TNR: variants seen among roughly 807,000 people sequenced by gnomAD.
TNR encodes the protein tenascin R.
In TNR, 45 loss-of-function variants were observed where a neutral mutation model predicts 150.4. The observed-to-expected ratio is 0.30, with a 90% CI of 0.24 to 0.38. The LOEUF is 0.38. Among genes scored for constraint, TNR ranks in the 10% least tolerant of loss-of-function variants. The pLI, the probability that TNR is intolerant of heterozygous loss-of-function variation, is 1.00. For missense variants in TNR, 1,544 were observed against 1,759.1 expected (o/e 0.88, Z 2.19); for synonymous variants, 687 against 678.4 (o/e 1.01, Z -0.20).
chr1:175,350,323 CTCACTGTCTCTTA>C (rs1650996787), intron 18 of TNR, among the ~76,000 whole-genome samples: 1 of 152,216 alleles, frequency 6.6e-6, no homozygotes, highest in Non-Finnish European at 1.5e-5. Context: ...TTTTATAGTG[CTCACTGTCTCTTA>C]GGACAAGCTT....
intron 2 of TNR, among the ~76,000 whole-genome samples, chr1:175,521,423 C>T (rs1659635417): frequency 6.6e-6 from 1 of 152,164 alleles, no homozygotes; most frequent in Non-Finnish European, 1.5e-5. Context: ...AAAGATGCCT[C>T]ACTTTGTGAT....
At chr1:175,696,402 G>C (rs147380163) in intron 1 of TNR, among the ~76,000 whole-genome samples, 3,972 of 151,832 alleles carry the variant, frequency 0.026, 169 homozygotes, top group African/African-American at 0.09. Context: ...AGAGAAAATG[G>C]GCAAGGCCAG....
rs567483968 is a variant in TNR, at chr1:175,702,059, TTTTTGTCTTC to T, written c.-165+41157_-165+41166del. ...ATTAAACAGTCTTGCCCCTTAATTA[TTTTTGTCTTC>T]TATAAAGGGCAAGTCAAATTACTTA... On this transcript the variant is annotated intron_variant, in intron 1 of 22. Coordinates refer to ENST00000367674, the MANE Select transcript of TNR (RefSeq NM_003285.3). 8.5e-5 allele frequency among the ~76,000 whole-genome samples: 13 copies of T among 152,362 alleles called. No individual in the cohort carries two copies. The East Asian group carries it at 2.5e-3, about 29-fold the overall frequency.
At chr1:175,363,036 C>A (rs1250067761) in intron 13 of TNR, among the ~76,000 whole-genome samples, 3 of 152,182 alleles carry the variant, frequency 2.0e-5, no homozygotes, top group East Asian at 1.9e-4. Flanking sequence ...AATGACCTAC[C>A]TATTAAGTGG....
intron 2 of TNR, among the ~76,000 whole-genome samples, chr1:175,500,721 A>G (rs1658700814): frequency 6.6e-6 from 1 of 152,238 alleles, no homozygotes; most frequent in Non-Finnish European, 1.5e-5. Flanking sequence ...AGCATGCCCT[A>G]AAAAAGCCAT....
chr1:175,442,754 A>G (rs1485930076), intron 2 of TNR, among the ~76,000 whole-genome samples: 2 of 151,856 alleles, frequency 1.3e-5, no homozygotes, highest in East Asian at 3.8e-4. Flanking sequence ...CAAATCAGCC[A>G]GAATGGGTTT....
At chr1:175,604,949 C>T (rs1429312168) in intron 1 of TNR, among the ~76,000 whole-genome samples, 1 of 152,146 alleles carries the variant, frequency 6.6e-6, no homozygotes, top group African/African-American at 2.4e-5. Context: ...AGGAAGCATA[C>T]ACAAATGGAA....
At chr1:175,364,634 T>C (rs886943274) in intron 12 of TNR, among the ~76,000 whole-genome samples, 3 of 152,202 alleles carry the variant, frequency 2.0e-5, no homozygotes, top group Admixed American at 6.5e-5. Flanking sequence ...CGAGTGAACT[T>C]TCTGGGCAGT....
chr1:175,385,998 C>T (rs779168663), intron 8 of TNR, 34 bp downstream of exon 8: 4 of 1,531,806 alleles, frequency 2.6e-6, no homozygotes, highest in Non-Finnish European at 3.5e-6. Context: ...CCCTCTTTCC[C>T]TCCTTGTGCG....
At chr1:175,328,491 G>T (rs1236156042) in intron 21 of TNR, among the ~76,000 whole-genome samples, 2 of 152,190 alleles carry the variant, frequency 1.3e-5, no homozygotes, top group Non-Finnish European at 1.5e-5. Flanking sequence ...GAGGGGATGG[G>T]CTCTTCCTCT....
At chr1:175,713,578 T>C (rs1003393466) in intron 1 of TNR, among the ~76,000 whole-genome samples, 1 of 152,344 alleles carries the variant, frequency 6.6e-6, no homozygotes, top group Admixed American at 6.5e-5. Flanking sequence ...TCAACATGAA[T>C]TATGCTAAAA....
Position 175,365,242 on chromosome 1 carries a change from C to A in TNR, c.2355G>T (p.Val785=). Residue 785 remains valine, a synonymous_variant, in exon 12 of 23, where the codon GTG becomes GTT. Transcript: ENST00000367674. The part of the protein sequence containing the change: ...RPISHLHFSH[V]TSSSVNITWS... ...AAGTGATGTTCACACTGGAGGAGGTCACATGAGAAAAGTGCAGATGAGAGA... is the reference window on the plus strand; with the variant it reads ...AAGTGATGTTCACACTGGAGGAGGTAACATGAGAAAAGTGCAGATGAGAGA... The A allele has an allele frequency of 6.2e-7, 1 of 1,613,280 alleles. No homozygotes were observed. Among genetic ancestry groups the A allele is most frequent in the Non-Finnish European group, 8.5e-7 (1 of 1,179,514 alleles).
intron 1 of TNR, among the ~76,000 whole-genome samples, chr1:175,570,157 TC>T (rs1025653762): frequency 1.3e-5 from 2 of 152,208 alleles, no homozygotes; most frequent in African/African-American, 4.8e-5. Flanking sequence ...GCTTCTTTCA[TC>T]CCCGCTCCTT....
chr1:175,722,613 C>T (rs114439988), intron 1 of TNR, among the ~76,000 whole-genome samples: 53 of 150,650 alleles, frequency 3.5e-4, no homozygotes, highest in African/African-American at 1.2e-3. Context: ...TACAGGTGCA[C>T]ACCACCATGC....
intron 1 of TNR, among the ~76,000 whole-genome samples, chr1:175,680,718 A>T (rs547530634): frequency 1.4e-4 from 21 of 152,328 alleles, no homozygotes; most frequent in Admixed American, 4.6e-4. Context: ...GGACTAACAC[A>T]GAGATGACAG....
At chr1:175,733,710 G>T (rs925593940) in intron 1 of TNR, among the ~76,000 whole-genome samples, 2 of 152,058 alleles carry the variant, frequency 1.3e-5, no homozygotes, top group Non-Finnish European at 2.9e-5. Context: ...TCAGGGTCTG[G>T]ATCAACAGCA....
intron 1 of TNR, among the ~76,000 whole-genome samples, chr1:175,570,477 G>A (rs1661821529): frequency 6.6e-6 from 1 of 152,080 alleles, no homozygotes; most frequent in South Asian, 2.1e-4. Flanking sequence ...TGACATGAAT[G>A]GATTTTATTA....
chr1:175,382,382 C>T (rs1252260078), intron 8 of TNR, among the ~76,000 whole-genome samples: 2 of 152,168 alleles, frequency 1.3e-5, no homozygotes, highest in Non-Finnish European at 1.5e-5. Flanking sequence ...ACTGAGGGTG[C>T]TGGTCTTGTA....
At chr1:175,725,778 G>A (rs755093366) in intron 1 of TNR, among the ~76,000 whole-genome samples, 1 of 152,180 alleles carries the variant, frequency 6.6e-6, no homozygotes, top group Non-Finnish European at 1.5e-5. Context: ...AGAACTTGGC[G>A]ATGGATGTGT....
Sources: allele counts gnomAD v4.1 joint callset (sites outside exome capture counted in the v4.1 genomes callset), GRCh38; gene constraint gnomAD v4.1.1; transcripts MANE v1.5; gene names NCBI Gene and HGNC (gene_info 2026-07-23, HGNC 2026-07-21).